MAP4K4: variants seen among roughly 807,000 people sequenced by gnomAD.
The protein encoded by MAP4K4 is HPK/GCK-like kinase HGK.
In MAP4K4, 38 loss-of-function variants were observed where a neutral mutation model predicts 189.6. The ratio of observed to expected loss-of-function variants is 0.20; its 90% CI spans 0.15 to 0.26. The LOEUF is 0.26. Ranked by LOEUF, MAP4K4 falls within the 10% of genes least tolerant of loss-of-function variation. MAP4K4 has a pLI of 1.00. For missense variants in MAP4K4, 1,054 were observed against 1,726.9 expected (o/e 0.61, Z 6.91); for synonymous variants, 610 against 624.3 (o/e 0.98, Z 0.34).
At chr2:101,767,017 T>C (rs541032646) in intron 2 of MAP4K4, among the ~76,000 whole-genome samples, 29 of 152,332 alleles carry the variant, frequency 1.9e-4, no homozygotes, top group Admixed American at 7.2e-4. Flanking sequence ...GTGTACACCC[T>C]ATGTAAATGA....
intron 2 of MAP4K4, among the ~76,000 whole-genome samples, chr2:101,709,694 C>G (rs2044345897): frequency 6.6e-6 from 1 of 151,922 alleles, no homozygotes; most frequent in African/African-American, 2.4e-5. Context: ...TCCTTTATCT[C>G]AAGCAGAAGC....
chr2:101,881,074 C>A (rs2098375908), intron 27 of MAP4K4, among the ~76,000 whole-genome samples: 1 of 152,162 alleles, frequency 6.6e-6, no homozygotes, highest in African/African-American at 2.4e-5. Context: ...GTACTGATGT[C>A]TTGACAGTAT....
intron 3 of MAP4K4, among the ~76,000 whole-genome samples, chr2:101,792,211 T>G (rs2092989563): frequency 6.6e-6 from 1 of 152,216 alleles, no homozygotes; most frequent in African/African-American, 2.4e-5. Context: ...ATCTTGCCGG[T>G]GCTGTGTTGG....
intron 16 of MAP4K4, among the ~76,000 whole-genome samples, chr2:101,863,591 T>C (rs2097731978): frequency 2.6e-5 from 4 of 152,206 alleles, no homozygotes. Context: ...TGTCTGGATA[T>C]TAAAAAGAGT....
intron 7 of MAP4K4, among the ~76,000 whole-genome samples, 164 bp downstream of exon 7, chr2:101,832,015 T>A (rs1389867551): frequency 6.6e-6 from 1 of 152,226 alleles, no homozygotes; most frequent in Non-Finnish European, 1.5e-5. Context: ...AGTATTCAGA[T>A]GCTGTCTTTT....
intron 3 of MAP4K4, among the ~76,000 whole-genome samples, chr2:101,803,581 G>A (rs2094601133): frequency 6.6e-6 from 1 of 152,078 alleles, no homozygotes; most frequent in Non-Finnish European, 1.5e-5. Context: ...TAGGACTGGG[G>A]TATAAATTCT....
intron 2 of MAP4K4, among the ~76,000 whole-genome samples, chr2:101,762,572 G>A (rs575538693): frequency 1.3e-5 from 2 of 152,296 alleles, no homozygotes; most frequent in Non-Finnish European, 2.9e-5. Context: ...TCTTGTAGAG[G>A]TAAAACGGCT....
rs58201235 is a variant in MAP4K4 at position 101,797,889 on chromosome 2, G to GTTTTTTTTTTTTTTTTTTTTTTTTT, written c.180+7134_180+7135insTTTTTTTTTTTTTTTTTTTTTTTTT. ...TGAAGCTTTTTAAAACATTCTTTTAGTTTTTTTTTTTTTTTTTTTTTGGAG... is the reference window on the plus strand; with the variant it reads ...TGAAGCTTTTTAAAACATTCTTTTAGTTTTTTTTTTTTTTTTTTTTTTTTTTTTTTTTTTTTTTTTTTTTTTGGAG... On this transcript the variant is annotated intron_variant, in intron 3 of 32. Coordinates refer to ENST00000324219, the Ensembl canonical transcript of MAP4K4. Among the ~76,000 whole-genome samples, 24 of 52,322 alleles carry GTTTTTTTTTTTTTTTTTTTTTTTTT rather than the reference G, an allele frequency of 4.6e-4. 2 individuals carry two copies. The highest frequency in any genetic ancestry group is 7.5e-4 in the East Asian group (1 of 1,330). The allele number at this position is 52,322 out of a possible 152,430, so 34.3% of individuals were successfully genotyped here. A position where few individuals can be genotyped will look rare whatever the true frequency, so the allele number is the denominator to read the frequency against.
chr2:101,878,814 A>T (rs1249176384), intron 27 of MAP4K4, among the ~76,000 whole-genome samples: 2 of 152,192 alleles, frequency 1.3e-5, no homozygotes, highest in Non-Finnish European at 2.9e-5. Context: ...TTGTTAGTAC[A>T]AGCTTGTTAT....
At chr2:101,778,173 A>G (rs1195875509) in intron 2 of MAP4K4, among the ~76,000 whole-genome samples, 1 of 152,156 alleles carries the variant, frequency 6.6e-6, no homozygotes, top group Non-Finnish European at 1.5e-5. Context: ...GGGACCCACA[A>G]GGCAGAGCTC....
intron 2 of MAP4K4, among the ~76,000 whole-genome samples, chr2:101,770,889 A>T (rs1310011108): frequency 6.6e-6 from 1 of 152,110 alleles, no homozygotes; most frequent in African/African-American, 2.4e-5. Context: ...AATCTAGATG[A>T]ATGTGGTTCA....
chr2:101,808,904 T>C (rs2095225665), intron 3 of MAP4K4, among the ~76,000 whole-genome samples: 2 of 152,128 alleles, frequency 1.3e-5, no homozygotes, highest in African/African-American at 2.4e-5. Flanking sequence ...TGGAAAAATA[T>C]TTTCTTACAG....
intron 2 of MAP4K4, among the ~76,000 whole-genome samples, chr2:101,755,355 GC>G (rs958373695): frequency 1.3e-5 from 2 of 152,274 alleles, no homozygotes; most frequent in African/African-American, 4.8e-5. Flanking sequence ...CTTAAATACA[GC>G]AAAGGAAAAG....
At chr2:101,868,729 A>G (rs1170859760) in intron 21 of MAP4K4, among the ~76,000 whole-genome samples, 2 of 152,216 alleles carry the variant, frequency 1.3e-5, no homozygotes, top group Non-Finnish European at 2.9e-5. Flanking sequence ...GTGTCTCTTC[A>G]TGTGTCACAG....
chr2:101,760,172 T>C (rs930759777), intron 2 of MAP4K4, among the ~76,000 whole-genome samples: 1 of 151,702 alleles, frequency 6.6e-6, no homozygotes, highest in Admixed American at 6.6e-5. Flanking sequence ...TTTTTTTAGA[T>C]TTAGACAATA....
At chr2:101,797,063 G>A (rs1239881873) in intron 3 of MAP4K4, among the ~76,000 whole-genome samples, 3 of 152,194 alleles carry the variant, frequency 2.0e-5, no homozygotes, top group Non-Finnish European at 4.4e-5. Flanking sequence ...GTACGAGGGA[G>A]TAAAACAAGC....
intron 7 of MAP4K4, 78 bp downstream of exon 7, chr2:101,831,929 A>G: frequency 6.6e-7 from 1 of 1,517,338 alleles, no homozygotes; most frequent in East Asian, 2.3e-5. Context: ...TATAAATTGC[A>G]CACCCCTTGT....
chr2:101,803,301 GTGTCTGTGTC>G (rs1161084769), intron 3 of MAP4K4, among the ~76,000 whole-genome samples: 1 of 141,676 alleles, frequency 7.1e-6, no homozygotes, highest in Non-Finnish European at 1.5e-5. Context: ...GTGTCTGTCT[GTGTCTGTGTC>G]TGTCTGTGTG....
At chr2:101,867,961 T>C in intron 20 of MAP4K4, 68 bp from the exon 21 acceptor site, 3 of 1,481,126 alleles carry the variant, frequency 2.0e-6, no homozygotes, top group South Asian at 2.3e-5. Context: ...TCTCCCGCGC[T>C]TCCTTGTACT....
Sources: gnomAD v4.1 joint callset for allele counts (sites outside exome capture counted in the v4.1 genomes callset) on GRCh38, gnomAD v4.1.1 for gene constraint, MANE v1.5 for transcripts, NCBI Gene and HGNC (gene_info 2026-07-23, HGNC 2026-07-21) for gene names.